The following TASP1 variants were observed in gnomAD, a reference collection of about 807,000 sequenced individuals.
The protein encoded by TASP1 is taspase 1.
In TASP1, 16 loss-of-function variants were observed where a neutral mutation model predicts 56.6. That is an observed-to-expected ratio of 0.28 (90% CI 0.19 to 0.43). The LOEUF (loss-of-function observed/expected upper bound fraction) is 0.43, where lower values mean the gene tolerates loss of function less well. TASP1 is among the 20% of genes least tolerant of loss of function. The pLI, the probability that TASP1 is intolerant of heterozygous loss-of-function variation, is 1.00. For synonymous variants in TASP1, 179 were observed against 184.2 expected (o/e 0.97, Z 0.23); for missense variants, 393 against 511.6 (o/e 0.77, Z 2.24).
chr20:13,461,415 C>A (rs1257476922), intron 11 of TASP1, among the ~76,000 whole-genome samples: 1 of 152,076 alleles, frequency 6.6e-6, no homozygotes, highest in African/African-American at 2.4e-5. Context: ...TGTTGTATTT[C>A]TAGTGCCTGG....
chr20:13,380,918 C>A, the TASP1 span, among the ~76,000 whole-genome samples: 1 of 152,166 alleles, frequency 6.6e-6, no homozygotes, highest in Non-Finnish European at 1.5e-5. Context: ...ATGGCGGACG[C>A]CCCTCCCCCC....
the TASP1 span, among the ~76,000 whole-genome samples, chr20:13,150,631 C>A: frequency 2.7e-4 from 41 of 152,194 alleles, no homozygotes; most frequent in African/African-American, 9.9e-4. Context: ...GTCTCCCTTT[C>A]AGATTCATCC....
At chr20:13,388,634 C>A (rs1300600871), downstream of TASP1, among the ~76,000 whole-genome samples, 1 of 152,172 alleles carries the variant, frequency 6.6e-6, no homozygotes, top group Non-Finnish European at 1.5e-5. Flanking sequence ...GTGATCCAAT[C>A]CAGTTCCTGA....
chr20:13,302,155 G>C, the TASP1 span, among the ~76,000 whole-genome samples: 2 of 152,194 alleles, frequency 1.3e-5, no homozygotes, highest in Non-Finnish European at 2.9e-5. Flanking sequence ...AAAGAGAACA[G>C]AGAGCTTTCT....
chr20:13,495,904 G>A (rs1456450470), intron 10 of TASP1, among the ~76,000 whole-genome samples: 1 of 152,058 alleles, frequency 6.6e-6, no homozygotes, highest in Non-Finnish European at 1.5e-5. Context: ...ATAGTCTCAG[G>A]AAATTCACAG....
chr20:13,479,756 G>A (rs1018491392), intron 11 of TASP1, among the ~76,000 whole-genome samples: 3 of 152,032 alleles, frequency 2.0e-5, no homozygotes, highest in Admixed American at 6.6e-5. Flanking sequence ...TCAGCCTCCC[G>A]AAGTGCTAGG....
the TASP1 span, among the ~76,000 whole-genome samples, chr20:13,139,502 C>T: frequency 1.3e-5 from 2 of 152,188 alleles, no homozygotes; most frequent in African/African-American, 2.4e-5. Context: ...CTTCAATGTA[C>T]GGTTTCCAAA....
the TASP1 span, among the ~76,000 whole-genome samples, chr20:13,364,749 G>C: frequency 1.7e-3 from 261 of 152,204 alleles, no homozygotes; most frequent in African/African-American, 5.9e-3. Flanking sequence ...GTAGTTTGCT[G>C]TTCGTTAGAT....
At chr20:13,563,328 T>A (rs1308978944) in intron 7 of TASP1, among the ~76,000 whole-genome samples, 1 of 151,886 alleles carries the variant, frequency 6.6e-6, no homozygotes, top group Admixed American at 6.6e-5. Flanking sequence ...TTCCCAGACT[T>A]CATGACTTCA....
chr20:13,607,730 T>C (rs1024298417), intron 4 of TASP1, among the ~76,000 whole-genome samples: 1 of 152,176 alleles, frequency 6.6e-6, no homozygotes, highest in African/African-American at 2.4e-5. Flanking sequence ...TTGTTGAAAA[T>C]TGAATGTCCT....
the TASP1 span, among the ~76,000 whole-genome samples, chr20:13,170,940 A>G: frequency 6.6e-6 from 1 of 152,196 alleles, no homozygotes; most frequent in Non-Finnish European, 1.5e-5. Context: ...CTGTGATGAA[A>G]TCAATCTACC....
At chr20:13,474,236 T>C (rs1483515050) in intron 11 of TASP1, among the ~76,000 whole-genome samples, 1 of 152,204 alleles carries the variant, frequency 6.6e-6, no homozygotes, top group Non-Finnish European at 1.5e-5. Context: ...ACCTGTCACC[T>C]GAGCGGTATA....
the TASP1 span, among the ~76,000 whole-genome samples, chr20:13,174,010 G>A: frequency 6.6e-6 from 1 of 152,080 alleles, no homozygotes; most frequent in East Asian, 1.9e-4. Context: ...ACAGTTTAAG[G>A]ACTAGAAGAG....
chr20:13,512,353 G>GGC (rs2044364572), intron 10 of TASP1, among the ~76,000 whole-genome samples: 3 of 151,522 alleles, frequency 2.0e-5, no homozygotes, highest in Non-Finnish European at 3.0e-5. Flanking sequence ...TATCTGATAA[G>GGC]CAGTGATGAT....
At chr20:13,563,790 C>CCACT (rs2046427436) in intron 7 of TASP1, among the ~76,000 whole-genome samples, 1 of 151,680 alleles carries the variant, frequency 6.6e-6, no homozygotes, top group South Asian at 2.1e-4. Flanking sequence ...TAGGCAAGAG[C>CCACT]CACTCCACCC....
chr20:13,590,958 T>C (rs1308918145), intron 4 of TASP1, among the ~76,000 whole-genome samples: 1 of 150,708 alleles, frequency 6.6e-6, no homozygotes, highest in Admixed American at 6.6e-5. Context: ...TAACAGTAAA[T>C]TTGGCACTGC....
chr20:13,555,697 T>A (rs2046133897), intron 8 of TASP1, among the ~76,000 whole-genome samples: 1 of 152,182 alleles, frequency 6.6e-6, no homozygotes, highest in African/African-American at 2.4e-5. Flanking sequence ...AATGTTGATA[T>A]TTTGACTTTC....
At chr20:13,522,098 A>C (rs1251773581) in intron 10 of TASP1, among the ~76,000 whole-genome samples, 33 of 152,194 alleles carry the variant, frequency 2.2e-4, no homozygotes, top group Admixed American at 2.1e-3. Flanking sequence ...CAAAGGAGCC[A>C]CCGTAGCTGG....
chr20:13,586,508 G>C (rs2047311581), intron 5 of TASP1, among the ~76,000 whole-genome samples: 1 of 152,100 alleles, frequency 6.6e-6, no homozygotes, highest in African/African-American at 2.4e-5. Flanking sequence ...AGGGAAGAGA[G>C]CACAAGAAGT....
Sources: gnomAD v4.1 joint callset for allele counts (sites outside exome capture counted in the v4.1 genomes callset) on GRCh38, gnomAD v4.1.1 for gene constraint, MANE v1.5 for transcripts, NCBI Gene and HGNC (gene_info 2026-07-23, HGNC 2026-07-21) for gene names.